NAALADL2: variants seen among roughly 807,000 people sequenced by gnomAD.
The protein encoded by NAALADL2 is N-acetylated alpha-linked acidic dipeptidase like 2, also known as inactive N-acetylated-alpha-linked acidic dipeptidase-like protein 2.
Under a neutral mutation model 87.2 loss-of-function variants are expected in NAALADL2, and 76 were observed. The ratio of observed to expected loss-of-function variants is 0.87; its 90% confidence interval spans 0.72 to 1.05. The LOEUF (loss-of-function observed/expected upper bound fraction) is 1.05, where lower values mean the gene tolerates loss of function less well. Among genes scored for constraint, NAALADL2 ranks in the 50% least tolerant of loss-of-function variants. NAALADL2 has a pLI of 0.00. For missense variants in NAALADL2, 1,089 were observed against 945.8 expected (o/e 1.15, Z -1.99); for synonymous variants, 354 against 331.0 (o/e 1.07, Z -0.75).
intron 11 of NAALADL2, among the ~76,000 whole-genome samples, chr3:175,663,861 T>C (rs1039485359): frequency 2.0e-5 from 3 of 151,960 alleles, no homozygotes; most frequent in Admixed American, 1.3e-4. Flanking sequence ...CATAATAAAA[T>C]ATTTTAATTT....
intron 10 of NAALADL2, among the ~76,000 whole-genome samples, chr3:175,625,520 C>T (rs962235929): frequency 6.6e-6 from 1 of 151,742 alleles, no homozygotes; most frequent in African/African-American, 2.4e-5. Context: ...TTAAACTGTG[C>T]GTAGTGTTTT....
intron 1 of NAALADL2, among the ~76,000 whole-genome samples, chr3:174,536,402 A>C (rs1488451529): frequency 6.6e-6 from 1 of 152,178 alleles, no homozygotes; most frequent in African/African-American, 2.4e-5. Flanking sequence ...TGAAAGTGTT[A>C]GAATAGCCCT....
intron 5 of NAALADL2, among the ~76,000 whole-genome samples, chr3:175,357,702 G>A (rs1022420641): frequency 6.6e-6 from 1 of 152,130 alleles, no homozygotes; most frequent in Non-Finnish European, 1.5e-5. Context: ...AAAGAAATAT[G>A]GAGAATTATG....
At chr3:175,355,555 G>C (rs1764271828) in intron 5 of NAALADL2, among the ~76,000 whole-genome samples, 1 of 152,118 alleles carries the variant, frequency 6.6e-6, no homozygotes, top group Non-Finnish European at 1.5e-5. Context: ...CAAAATTCTT[G>C]AGTCTCAGCT....
At chr3:174,947,908 C>T (rs1326560192) in intron 1 of NAALADL2, among the ~76,000 whole-genome samples, 1 of 151,882 alleles carries the variant, frequency 6.6e-6, no homozygotes, top group African/African-American at 2.4e-5. Context: ...AACTTGCTGC[C>T]ATTTTAGTAA....
At chr3:174,861,557 T>C (rs1726507597) in intron 1 of NAALADL2, among the ~76,000 whole-genome samples, 2 of 152,126 alleles carry the variant, frequency 1.3e-5, no homozygotes, top group Non-Finnish European at 2.9e-5. Context: ...TTAGTGGAAA[T>C]AACTATGTTA....
chr3:174,956,829 G>A (rs946138659), intron 1 of NAALADL2, among the ~76,000 whole-genome samples: 1 of 152,012 alleles, frequency 6.6e-6, no homozygotes, highest in African/African-American at 2.4e-5. Flanking sequence ...GTGCATAACA[G>A]AAGTAGTTTC....
intron 3 of NAALADL2, among the ~76,000 whole-genome samples, chr3:174,821,149 T>C (rs186174365): frequency 2.0e-4 from 30 of 152,318 alleles, no homozygotes; most frequent in Non-Finnish European, 2.8e-4. Flanking sequence ...CTTAAATAGT[T>C]TGGAGAAGGA....
chr3:175,779,494 T>C (rs1239055229), intron 13 of NAALADL2, among the ~76,000 whole-genome samples: 1 of 151,966 alleles, frequency 6.6e-6, no homozygotes, highest in African/African-American at 2.4e-5. Flanking sequence ...TCTTCCTACC[T>C]CAATAGGGCA....
intron 11 of NAALADL2, among the ~76,000 whole-genome samples, chr3:175,695,076 A>AAC (rs921435945): frequency 1.1e-4 from 16 of 152,176 alleles, no homozygotes; most frequent in African/African-American, 2.9e-4. Flanking sequence ...TGCTTGAAAA[A>AAC]AAAAAAACAA....
At chr3:175,704,116 T>C (rs1384669648) in intron 11 of NAALADL2, among the ~76,000 whole-genome samples, 3 of 152,186 alleles carry the variant, frequency 2.0e-5, no homozygotes, top group African/African-American at 7.2e-5. Context: ...TAAGACTCTC[T>C]GAAATTCTTC....
At chr3:175,469,021 T>C (rs1724504250) in intron 8 of NAALADL2, among the ~76,000 whole-genome samples, 1 of 152,044 alleles carries the variant, frequency 6.6e-6, no homozygotes, top group African/African-American at 2.4e-5. Flanking sequence ...GTTAATAAGG[T>C]TATTCCTATT....
At chr3:174,958,794 T>G (rs1475532795) in intron 1 of NAALADL2, among the ~76,000 whole-genome samples, 1 of 152,104 alleles carries the variant, frequency 6.6e-6, no homozygotes, top group Non-Finnish European at 1.5e-5. Context: ...ATTCAATCAG[T>G]GCGAAGTTGG....
intron 1 of NAALADL2, among the ~76,000 whole-genome samples, chr3:174,514,537 C>T (rs941090205): frequency 6.6e-6 from 1 of 152,046 alleles, no homozygotes; most frequent in African/African-American, 2.4e-5. Context: ...AGAGAGTTGA[C>T]TAATTACTAA....
chr3:175,385,938 T>C (rs1768327963), intron 5 of NAALADL2, among the ~76,000 whole-genome samples: 1 of 151,938 alleles, frequency 6.6e-6, no homozygotes, highest in East Asian at 1.9e-4. Context: ...TTAGGCAACT[T>C]AGGGGAGAAT....
intron 1 of NAALADL2, among the ~76,000 whole-genome samples, chr3:174,894,542 C>T (rs967493320): frequency 9.7e-5 from 12 of 124,246 alleles, no homozygotes; most frequent in Middle Eastern, 5.2e-3. Flanking sequence ...TGCAATGAGC[C>T]GAGATCATGC....
At chr3:175,037,659 TTC>T (rs1158147230) in intron 1 of NAALADL2, among the ~76,000 whole-genome samples, 1 of 152,064 alleles carries the variant, frequency 6.6e-6, no homozygotes. Context: ...GGACCTGGAG[TTC>T]TCTGTCTAAA....
chr3:175,675,468 T>C (rs892266395), intron 11 of NAALADL2: 2 of 152,238 alleles, frequency 1.3e-5, no homozygotes, highest in African/African-American at 4.8e-5. Flanking sequence ...CATTGCTAGA[T>C]TGGCTTCATA....
In NAALADL2 at chr3:175,371,672, A is replaced by C. The variant is rs200542633; in HGVS notation, c.1090+47347A>C. Among the ~76,000 whole-genome samples, 6 of 151,856 alleles carry C rather than the reference A, an allele frequency of 4.0e-5. No homozygotes were observed. In the East Asian group the frequency reaches 7.9e-4, roughly 20 times the overall value. ...AAATCCCGTCTCTACTAAAAATACA[A>C]AAATTAGCTGGGTGTGGTGCAGGGG... is the stretch of plus-strand genomic sequence containing the variant. On this transcript the variant is annotated intron_variant, in intron 5 of 13. Transcript: ENST00000454872.
Sources: gnomAD v4.1 joint callset for allele counts (sites outside exome capture counted in the v4.1 genomes callset) on GRCh38, gnomAD v4.1.1 for gene constraint, MANE v1.5 for transcripts, NCBI Gene and HGNC (gene_info 2026-07-23, HGNC 2026-07-21) for gene names.